PCNX3: variants seen among roughly 807,000 people sequenced by gnomAD.
The protein encoded by PCNX3 is pecanex-like protein 3.
Under a neutral mutation model 207.2 loss-of-function variants are expected in PCNX3, and 58 were observed. The ratio of observed to expected loss-of-function variants is 0.28; its 90% CI spans 0.23 to 0.35. The LOEUF (loss-of-function observed/expected upper bound fraction) is 0.35. Ranked by LOEUF, PCNX3 falls within the 10% of genes least tolerant of loss-of-function variation. The pLI is 1.00. For missense variants in PCNX3, 2,410 were observed against 2,774.4 expected (o/e 0.87, Z 2.95); for synonymous variants, 1,337 against 1,183.5 (o/e 1.13, Z -2.66).
rs766834192 is a variant in PCNX3, at chr11:65,636,853, A to G, written c.5980A>G (p.Ile1994Val). 7 of 1,550,166 alleles carry G rather than the reference A, an allele frequency of 4.5e-6. No homozygotes were observed. The highest frequency in any genetic ancestry group is 1.2e-5 in the South Asian group (1 of 84,062). The change falls in exon 35 of 35, where the codon ATT (isoleucine) becomes GTT (valine). Residue 1994 changes from isoleucine (I) to valine (V), a missense_variant. Transcript: ENST00000355703. ...EASPPRASQD[I>V]PCLDSSAPES... ...CTCACCCCCCAGAGCTTCCCAGGAC[A>G]TTCCTTGCTTGGACAGCAGTGCCCC...
chr11:65,628,832 G>C lies in PCNX3; in HGVS notation c.3825G>C (p.Leu1275=), dbSNP rs750164601. The C allele has an allele frequency of 5.6e-6, 9 of 1,611,764 alleles. No homozygotes were observed. The highest frequency in any genetic ancestry group is 1.7e-5 in the Admixed American group (1 of 59,986). ...ACTGTGGCTCAGACTCGGCCATGCT[G>C]TTCGTCCAGGCCCTGCTCTCGGGGC... is the stretch of plus-strand genomic sequence containing the variant. ...QPFAVPHSAM[L]FVQALLSGLF... is the part of the protein sequence containing the mutation. The change falls in exon 24 of 35, where the codon CTG becomes CTC. Residue 1275 remains leucine (L), a synonymous_variant. Coordinates refer to ENST00000355703, the MANE Select transcript of PCNX3 (RefSeq NM_032223.4).
In PCNX3 at chr11:65,636,759, C is replaced by G. The variant is rs376097766; in HGVS notation, c.5893-7C>G. ...GCTCACCCGCCAACCTCTCCCCCCT[C>G]CCCCAGGCGCCTCTAGACCTCAGCC... On this transcript the variant is annotated splice_region_variant and splice_polypyrimidine_tract_variant and intron_variant, in intron 34 of 34. Transcript: ENST00000355703. 2 of 1,545,626 alleles carry G rather than the reference C, an allele frequency of 1.3e-6. No homozygotes were observed. Among genetic ancestry groups the G allele is most frequent in the South Asian group, 2.4e-5 (2 of 83,934 alleles).
intron 29 of PCNX3, 66 bp downstream of exon 29, chr11:65,634,707 T>G: frequency 1.4e-6 from 2 of 1,424,986 alleles, no homozygotes; most frequent in South Asian, 2.5e-5. Context: ...CGAAGAGCAC[T>G]GTGGTCTCTG....
At chr11:65,633,334 C>G (rs1027777881) in intron 27 of PCNX3, among the ~76,000 whole-genome samples, 1 of 152,248 alleles carries the variant, frequency 6.6e-6, no homozygotes, top group Non-Finnish European at 1.5e-5. Flanking sequence ...GCTTTGGGTA[C>G]CACATGTGCC....
intron 8 of PCNX3, 42 bp from the exon 9 acceptor site, chr11:65,620,297 C>T: frequency 1.3e-6 from 2 of 1,577,094 alleles, no homozygotes; most frequent in Non-Finnish European, 1.7e-6. Flanking sequence ...CTTGGTGCTT[C>T]TGTCTCTGCC....
chr11:65,621,023 A>G lies in PCNX3; in HGVS notation c.2235+57A>G, dbSNP rs1450112152. The G allele has an allele frequency of 6.7e-6, 10 of 1,483,526 alleles. No individual in the cohort carries two copies. In the Admixed American group the frequency reaches 2.1e-4, roughly 31 times the overall value. 91.9% of individuals were successfully genotyped at this position (1,483,526 alleles called of 1,614,324 possible). A position where few individuals can be genotyped will look rare whatever the true frequency, so the allele number is the denominator to read the frequency against. ...TGGGGCGTGACGGGGCGGGCAGATCACTGAGTCCGGCCTGCATAGAGAGCT... is the reference window on the plus strand; with the variant it reads ...TGGGGCGTGACGGGGCGGGCAGATCGCTGAGTCCGGCCTGCATAGAGAGCT... On this transcript the variant is annotated intron_variant, in intron 10 of 34. Transcript: ENST00000355703.
rs1243656157 is a variant in PCNX3, at chr11:65,636,795, C to T, written c.5922C>T (p.Ser1974=). The change falls in exon 35 of 35, where the codon AGC becomes AGT. Residue 1974 remains serine, a synonymous_variant. Coordinates refer to ENST00000355703, the MANE Select transcript of PCNX3 (RefSeq NM_032223.4). ...CTCTAGACCTCAGCCTCAGCCTCAG[C>T]CTCAGCCTCAGCCCCGATGTCAGCA... The part of the protein sequence containing the change: ...QAPLDLSLSL[S]LSLSPDVSTE... 1.9e-6 allele frequency: 3 copies of T among 1,550,702 alleles called. No individual in the cohort carries two copies. The highest frequency in any genetic ancestry group is 1.2e-5 in the South Asian group (1 of 84,048).
Position 65,618,032 on chromosome 11 carries a change from G to A in PCNX3, c.670G>A (p.Gly224Arg). 2 of 1,607,114 alleles carry A rather than the reference G, an allele frequency of 1.2e-6. No homozygotes were observed. The highest frequency in any genetic ancestry group is 1.7e-6 in the Non-Finnish European group (2 of 1,177,258). ...AGAGCCTTCTCCCCTGGCTGGAGAT[G>A]GAGCGCCCTGGAGTGGGAGCAGCAT... is the stretch of plus-strand genomic sequence containing the variant. Reference protein sequence around the residue: ...SSEPSPLAGDGAPWSGSSMAD... With the variant: ...SSEPSPLAGDRAPWSGSSMAD... Residue 224 changes from glycine to arginine, a missense_variant, in exon 6 of 35, where the codon GGA becomes AGA. Gly to Arg is a moderately radical substitution (Grantham distance 125). Coordinates refer to ENST00000355703, the MANE Select transcript of PCNX3 (RefSeq NM_032223.4).
At chr11:65,621,903 G>A (rs575808803) in intron 10 of PCNX3, among the ~76,000 whole-genome samples, 2 of 152,308 alleles carry the variant, frequency 1.3e-5, no homozygotes, top group East Asian at 3.9e-4. Context: ...TTTGTGCCAG[G>A]TCCCAAAGGA....
chr11:65,623,908 A>G lies in PCNX3; in HGVS notation c.2512-21A>G, dbSNP rs901474700. ...CCGTGGGCATCGGCTCTAGTTGCCA[A>G]CGTAGCCCTGTCTCTTCCAGAGCGT... On this transcript the variant is annotated intron_variant, in intron 12 of 34. Transcript: ENST00000355703. The G allele has an allele frequency of 3.7e-6, 6 of 1,612,666 alleles. No homozygotes were observed. In the South Asian group the frequency reaches 4.4e-5, roughly 12 times the overall value.
intron 1 of PCNX3, 63 bp downstream of exon 1, chr11:65,616,527 A>T: frequency 6.6e-7 from 1 of 1,525,580 alleles, no homozygotes; most frequent in South Asian, 1.2e-5. Context: ...GCAGGGATTC[A>T]GGGCAGTGCC....
At chr11:65,632,216 C>CTGGAGGAAGTGCT (rs1273938968) in intron 27 of PCNX3, among the ~76,000 whole-genome samples, 2 of 151,776 alleles carry the variant, frequency 1.3e-5, no homozygotes, top group East Asian at 3.9e-4. Context: ...GAATTTGAGT[C>CTGGAGGAAGTGCT]TGGAGGAAGT....
rs1855779246 is a variant in PCNX3, at chr11:65,635,211, C to T, written c.4954-7C>T. The T allele has an allele frequency of 1.9e-6, 3 of 1,590,400 alleles. No individual in the cohort carries two copies. Among genetic ancestry groups the T allele is most frequent in the Non-Finnish European group, 2.6e-6 (3 of 1,168,036 alleles). ...CCACTGACCCCTGTTCCCGTCTTCT[C>T]TACCAGGACCACTTCACGTCCCCAG... On this transcript the variant is annotated splice_polypyrimidine_tract_variant and splice_region_variant and intron_variant, in intron 30 of 34. Transcript: ENST00000355703. The surrounding 1 kb of genome is among the most constrained non-coding windows in gnomAD (Gnocchi z 9.9).
chr11:65,617,057 C>T (rs772647393), intron 2 of PCNX3, 46 bp downstream of exon 2: 4 of 1,540,522 alleles, frequency 2.6e-6, no homozygotes, highest in African/African-American at 2.7e-5. Flanking sequence ...TTTTTGGTGC[C>T]TGGGCCGGAA....
In PCNX3 at chr11:65,618,138, C is replaced by G. The variant is rs748712379; in HGVS notation, c.776C>G (p.Pro259Arg). 1.2e-6 allele frequency: 2 copies of G among 1,610,640 alleles called. No homozygotes were observed. Among genetic ancestry groups the G allele is most frequent in the Non-Finnish European group, 1.7e-6 (2 of 1,178,478 alleles). Reference protein sequence around the residue: ...LSKSFLTLTQPDRALVRTSSR... With the variant: ...LSKSFLTLTQRDRALVRTSSR... The stretch of plus-strand genomic sequence containing the variant: ...AAGAGCTTCCTGACCCTGACCCAGC[C>G]TGACCGGGCCCTGGTGAGGACCAGC... The change falls in exon 6 of 35, where the codon CCT becomes CGT. Residue 259 changes from proline to arginine, a missense_variant. Around this residue, in one of 8 missense-constraint regions of PCNX3, gnomAD observed 1,104 missense variants for 970.3 expected, o/e 1.14. Coordinates refer to ENST00000355703, the MANE Select transcript of PCNX3 (RefSeq NM_032223.4).
chr11:65,626,381 C>T, intron 20 of PCNX3: 1 of 533,538 alleles, frequency 1.9e-6, no homozygotes, highest in Non-Finnish European at 3.6e-6. Context: ...CACCAGTGGA[C>T]CAGAGCTGCC....
chr11:65,618,241 G>C lies in PCNX3; in HGVS notation c.879G>C (p.Gln293His). The C allele has an allele frequency of 6.2e-7, 1 of 1,608,502 alleles. No homozygotes were observed. The highest frequency in any genetic ancestry group is 8.5e-7 in the Non-Finnish European group (1 of 1,177,474). The stretch of plus-strand genomic sequence containing the variant: ...GGGGCTCAGGGGAGCCCACGCCCCA[G>C]AAAGCCGGCTCCTCAGACTCCTGCT... ...DRRGSGEPTPQKAGSSDSCFS... is the reference protein window; with the variant it reads ...DRRGSGEPTPHKAGSSDSCFS... Residue 293 changes from glutamine to histidine, a missense_variant, in exon 6 of 35, where the codon CAG becomes CAC. Gln to His is a conservative substitution (Grantham distance 24, BLOSUM62 0). Transcript: ENST00000355703.
chr11:65,624,471 T>C lies in PCNX3; in HGVS notation c.2717T>C (p.Val906Ala), dbSNP rs1193709299. 6.3e-7 allele frequency: 1 copy of C among 1,593,520 alleles called. No individual in the cohort carries two copies. The highest frequency in any genetic ancestry group is 8.6e-7 in the Non-Finnish European group (1 of 1,169,576). ...GGCCTTCGTGTCCCCTCCCTGCCAG[T>C]GTTCACCCTGTGCTTCCCCTTCGTC... is the stretch of plus-strand genomic sequence containing the variant. ...FFFCARDVAT[V>A]FTLCFPFVFL... Residue 906 changes from valine (V) to alanine (A), a missense_variant and splice_region_variant, in exon 15 of 35, where the codon GTG becomes GCG. Transcript: ENST00000355703.
rs1854776042 is a variant in PCNX3, at chr11:65,617,081, A to G, written c.341+70A>G. ...CCTGGGCCGGAACCTTGCAGGGTGG[A>G]GTAGGGGCTTAGGGAACATTGGCTC... On this transcript the variant is annotated intron_variant, in intron 2 of 34. Transcript: ENST00000355703. 3 of 1,483,356 alleles carry G rather than the reference A, an allele frequency of 2.0e-6. No homozygotes were observed. The East Asian group carries it at 7.4e-5, about 36-fold the overall frequency. 91.9% of individuals were successfully genotyped at this position (1,483,356 alleles called of 1,614,324 possible).
Sources: gnomAD v4.1 joint callset for allele counts (sites outside exome capture counted in the v4.1 genomes callset) on GRCh38, gnomAD v4.1.1 for gene constraint, gnomAD v4.1.1 regional missense constraint, Gnocchi (gnomAD v3.1) non-coding constraint, MANE v1.5 for transcripts, NCBI Gene and HGNC (gene_info 2026-07-23, HGNC 2026-07-21) for gene names.